The following RASSF3 variants were observed in gnomAD, a reference collection of about 807,000 sequenced individuals.
RASSF3 encodes ras association domain-containing protein 3.
In RASSF3, 19 loss-of-function variants were observed where a neutral mutation model predicts 19.9. The ratio of observed to expected loss-of-function variants is 0.96; its 90% CI spans 0.67 to 1.40. The LOEUF (loss-of-function observed/expected upper bound fraction) is 1.40, where lower values mean the gene tolerates loss of function less well. Among genes scored for constraint, RASSF3 ranks in the 40% most tolerant of loss-of-function variants. The probability of loss-of-function intolerance (pLI) is 0.00; values close to 1 mark genes in which losing one functional copy is unlikely to be tolerated. For missense variants in RASSF3, 306 were observed against 289.8 expected (o/e 1.06, Z -0.41); for synonymous variants, 110 against 104.2 (o/e 1.06, Z -0.34).
intron 2 of RASSF3, among the ~76,000 whole-genome samples, chr12:64,602,982 C>T (rs1592414295): frequency 6.6e-6 from 1 of 152,032 alleles, no homozygotes; most frequent in Non-Finnish European, 1.5e-5. Flanking sequence ...ACCTGTAATC[C>T]CAGCTACTTG....
At chr12:64,543,664 G>A (rs1868996199), downstream of RASSF3, among the ~76,000 whole-genome samples, 1 of 150,908 alleles carries the variant, frequency 6.6e-6, no homozygotes, top group Non-Finnish European at 1.5e-5. Context: ...CTGGCAGGTG[G>A]CTCCGCCTGC....
chr12:64,619,086 A>G (rs935088030), intron 1 of RASSF3, among the ~76,000 whole-genome samples: 1 of 151,956 alleles, frequency 6.6e-6, no homozygotes, highest in African/African-American at 2.4e-5. Flanking sequence ...CTCGCATGAT[A>G]TTTTTGTTGA....
intron 2 of RASSF3, among the ~76,000 whole-genome samples, chr12:64,596,654 C>T (rs1870003129): frequency 6.6e-6 from 1 of 152,200 alleles, no homozygotes; most frequent in African/African-American, 2.4e-5. Context: ...TGCCCCAACA[C>T]TCTTTTCTTC....
intron 2 of RASSF3, among the ~76,000 whole-genome samples, chr12:64,561,266 G>A (rs1345267458): frequency 6.6e-6 from 1 of 152,158 alleles, no homozygotes; most frequent in South Asian, 2.1e-4. Context: ...GTATAAGGAA[G>A]CCAGATCTAA....
chr12:64,558,830 G>A (rs1452809193), intron 2 of RASSF3, among the ~76,000 whole-genome samples: 1 of 152,164 alleles, frequency 6.6e-6, no homozygotes, highest in Non-Finnish European at 1.5e-5. Context: ...TGGGAACGTT[G>A]AAGGGATGTG....
intron 2 of RASSF3, among the ~76,000 whole-genome samples, chr12:64,596,270 ATTTG>A (rs1467127763): frequency 6.6e-6 from 1 of 152,190 alleles, no homozygotes; most frequent in Non-Finnish European, 1.5e-5. Flanking sequence ...CGTTAAATAA[ATTTG>A]TTTGCCTTTT....
chr12:64,630,504 T>A (rs1468681086), intron 1 of RASSF3, among the ~76,000 whole-genome samples: 1 of 152,160 alleles, frequency 6.6e-6, no homozygotes, highest in Non-Finnish European at 1.5e-5. Flanking sequence ...GTAGCCTGAA[T>A]GACAGAGACA....
intron 1 of RASSF3, among the ~76,000 whole-genome samples, chr12:64,617,785 C>T (rs1454025821): frequency 6.6e-6 from 1 of 152,126 alleles, no homozygotes; most frequent in East Asian, 1.9e-4. Context: ...TCTTGAACTC[C>T]TGACCTTGTG....
intron 2 of RASSF3, among the ~76,000 whole-genome samples, chr12:64,546,802 CAGTGTTGTTGGCTTCA>C (rs1408467713): frequency 6.6e-6 from 1 of 152,154 alleles, no homozygotes; most frequent in African/African-American, 2.4e-5. Flanking sequence ...TTATAATCCC[CAGTGTTGTTGGCTTCA>C]AGCACTGATA....
chr12:64,671,721 T>A (rs563388548), intron 1 of RASSF3, among the ~76,000 whole-genome samples: 1 of 152,256 alleles, frequency 6.6e-6, no homozygotes, highest in South Asian at 2.1e-4. Flanking sequence ...AGGAAATTGC[T>A]GCTCAGGTAG....
At chr12:64,642,423 G>A (rs975134538) in intron 1 of RASSF3, among the ~76,000 whole-genome samples, 12 of 151,806 alleles carry the variant, frequency 7.9e-5, no homozygotes, top group African/African-American at 2.9e-4. Flanking sequence ...AGCTGGGCAT[G>A]GTGGCGGGTG....
chr12:64,674,306 A>T (rs1483792158), intron 1 of RASSF3, among the ~76,000 whole-genome samples: 1 of 152,222 alleles, frequency 6.6e-6, no homozygotes, highest in Non-Finnish European at 1.5e-5. Flanking sequence ...TGGATTGCAA[A>T]TGCAGTCTTG....
intron 1 of RASSF3, among the ~76,000 whole-genome samples, chr12:64,638,131 A>G (rs2136179767): frequency 6.6e-6 from 1 of 152,244 alleles, no homozygotes; most frequent in Middle Eastern, 3.4e-3. Context: ...CCCCCGGCCT[A>G]GTTATCATAT....
chr12:64,552,133 C>T (rs1420772178), intron 2 of RASSF3, among the ~76,000 whole-genome samples: 1 of 151,906 alleles, frequency 6.6e-6, no homozygotes, highest in Non-Finnish European at 1.5e-5. Flanking sequence ...TTTCTCTGTG[C>T]TTTGTTTTTT....
intron 2 of RASSF3, among the ~76,000 whole-genome samples, chr12:64,581,278 C>A (rs1869691616): frequency 1.3e-5 from 2 of 152,186 alleles, no homozygotes; most frequent in African/African-American, 4.8e-5. Context: ...ACAATTCTGA[C>A]TGTTGGCAGG....
intron 2 of RASSF3, among the ~76,000 whole-genome samples, chr12:64,590,381 A>G (rs1869899524): frequency 6.6e-6 from 1 of 152,152 alleles, no homozygotes; most frequent in Non-Finnish European, 1.5e-5. Context: ...TTCAATAACC[A>G]CTGTGTTCTA....
intron 1 of RASSF3, among the ~76,000 whole-genome samples, chr12:64,628,160 A>T (rs1294324538): frequency 3.3e-5 from 5 of 152,214 alleles, no homozygotes; most frequent in Non-Finnish European, 7.3e-5. Context: ...TCTTTGATTC[A>T]TCCCCTATCT....
Position 64,553,998 on chromosome 12 carries a change from GA to G in RASSF3, c.294+12303del, listed in dbSNP as rs796129554. On this transcript the variant is annotated intron_variant, in intron 2 of 5. Transcript: ENST00000637125. The stretch of plus-strand genomic sequence containing the variant: ...TCTCAAAAAAAAAAAAAAAAAGAAA[GA>G]AAAAAAAAAGTTGTCTGGGGCATGG... 2.3e-3 allele frequency among the ~76,000 whole-genome samples: 323 copies of G among 140,854 alleles called. 1 individual carries two copies. Among genetic ancestry groups the G allele is most frequent in the African/African-American group, 7.7e-3 (288 of 37,180 alleles). 92.4% of individuals were successfully genotyped at this position (140,854 alleles called of 152,430 possible).
chr12:64,680,316 A>G (rs769639464), intron 1 of RASSF3, among the ~76,000 whole-genome samples: 3 of 152,010 alleles, frequency 2.0e-5, no homozygotes, highest in South Asian at 4.2e-4. Context: ...CTTCTTTGCT[A>G]TGAGACCCAG....
Sources: gnomAD v4.1 joint callset for allele counts (sites outside exome capture counted in the v4.1 genomes callset) on GRCh38, gnomAD v4.1.1 for gene constraint, MANE v1.5 for transcripts, NCBI Gene and HGNC (gene_info 2026-07-23, HGNC 2026-07-21) for gene names.